The following SLC22A23 variants were observed in gnomAD, a reference collection of about 807,000 sequenced individuals.
The protein encoded by SLC22A23 is ion transporter protein.
Under a neutral mutation model 61.0 loss-of-function variants are expected in SLC22A23, and 26 were observed. That is an observed-to-expected ratio of 0.43 (90% CI 0.31 to 0.59). The LOEUF is 0.59. Among genes scored for constraint, SLC22A23 ranks in the 20% least tolerant of loss-of-function variants. SLC22A23 has a pLI of 0.11. For synonymous variants in SLC22A23, 430 were observed against 413.9 expected, an observed-to-expected ratio of 1.04 and a Z score of -0.47; for missense variants, 796 against 934.7, an observed-to-expected ratio of 0.85 and a Z score of 1.94.
At chr6:3,375,191 GACAA>G (rs1766483380) in intron 3 of SLC22A23, among the ~76,000 whole-genome samples, 1 of 152,110 alleles carries the variant, frequency 6.6e-6, no homozygotes, top group Admixed American at 6.5e-5. Context: ...AGAAAAAAAT[GACAA>G]ACAAGCCTAT....
intron 5 of SLC22A23, among the ~76,000 whole-genome samples, chr6:3,296,186 A>G (rs2127350397): frequency 6.6e-6 from 1 of 152,352 alleles, no homozygotes; most frequent in African/African-American, 2.4e-5. Context: ...AATCTGGGAA[A>G]GCCATCTGGA....
At chr6:3,275,837 C>A (rs945197196) in intron 9 of SLC22A23, among the ~76,000 whole-genome samples, 3 of 152,258 alleles carry the variant, frequency 2.0e-5, no homozygotes, top group African/African-American at 4.8e-5. Flanking sequence ...CCGCCTTGGC[C>A]TCCCAAAGTG....
intron 3 of SLC22A23, among the ~76,000 whole-genome samples, chr6:3,400,329 C>G (rs1406410199): frequency 1.3e-5 from 2 of 152,240 alleles, no homozygotes; most frequent in African/African-American, 4.8e-5. Context: ...CAGACAGCCA[C>G]AGTCCAAAGT....
chr6:3,342,419 G>A lies in SLC22A23; in HGVS notation c.914-18417C>T, dbSNP rs1245386437. Among the ~76,000 whole-genome samples the A allele has an allele frequency of 6.6e-6, 1 of 152,188 alleles. No homozygotes were observed. The highest frequency in any genetic ancestry group is 1.5e-5 in the Non-Finnish European group (1 of 68,032). ...CAGCCCCAGAAACTATGGAAGTGAG[G>A]CCACTAGGGTTCACGGCTCACCTCC... On this transcript the variant is annotated intron_variant, in intron 3 of 9. Coordinates refer to ENST00000406686, the MANE Select transcript of SLC22A23 (RefSeq NM_015482.2). This position sits in a 1 kb window ranked among gnomAD's most constrained non-coding sequence, Gnocchi z 4.0.
chr6:3,362,233 G>A (rs937540814), intron 3 of SLC22A23, among the ~76,000 whole-genome samples: 5 of 151,028 alleles, frequency 3.3e-5, no homozygotes, highest in Non-Finnish European at 7.4e-5. Context: ...GTGAAACCCC[G>A]TCTCTACTAA....
In SLC22A23 at chr6:3,456,482, G is replaced by A. The variant is rs1772416986; in HGVS notation, c.78C>T (p.Ser26=). The change falls in exon 1 of 10, where the codon TCC becomes TCT. Residue 26 remains serine (S), a synonymous_variant. Coordinates refer to ENST00000406686, the MANE Select transcript of SLC22A23 (RefSeq NM_015482.2). This position sits in a 1 kb window ranked among gnomAD's most constrained non-coding sequence, Gnocchi z 7.1. Reference sequence around the variant, plus strand: ...AGGCCGCCGCGTCCCCGGGCGGCAGGGAGCCGTTCTCCTCGGCCGGGGCCG... The same window carrying A: ...AGGCCGCCGCGTCCCCGGGCGGCAGAGAGCCGTTCTCCTCGGCCGGGGCCG... The part of the protein sequence containing the change: ...RQPAPAEENG[S]LPPGDAAASA... 2 of 1,164,568 alleles carry A rather than the reference G, an allele frequency of 1.7e-6. No homozygotes were observed. Among genetic ancestry groups the A allele is most frequent in the East Asian group, 3.9e-5 (1 of 25,338 alleles). 72.1% of individuals were successfully genotyped at this position (1,164,568 alleles called of 1,614,324 possible). A position where few individuals can be genotyped will look rare whatever the true frequency, so the allele number is the denominator to read the frequency against.
chr6:3,450,667 T>C (rs1201086112), intron 1 of SLC22A23, among the ~76,000 whole-genome samples: 7 of 152,234 alleles, frequency 4.6e-5, no homozygotes, highest in African/African-American at 1.7e-4. Flanking sequence ...ATATCATGCA[T>C]TTAAAATGTT....
At chr6:3,449,686 T>G (rs1415622262) in intron 1 of SLC22A23, among the ~76,000 whole-genome samples, 3 of 152,034 alleles carry the variant, frequency 2.0e-5, no homozygotes, top group South Asian at 2.1e-4. Flanking sequence ...TCAGGGAGGG[T>G]GTAGGGAACA....
rs182399004 is a variant in SLC22A23, at chr6:3,358,833, G to A, written c.914-34831C>T. Among the ~76,000 whole-genome samples the A allele has an allele frequency of 2.5e-3, 377 of 152,320 alleles. 1 individual carries two copies. The highest frequency in any genetic ancestry group is 8.4e-3 in the African/African-American group (350 of 41,568). On this transcript the variant is annotated intron_variant, in intron 3 of 9. Transcript: ENST00000406686. ...CCGGAAGGAGTCACAGCTCCAGTGA[G>A]GAAGAAGTGAGAAGGGATCTGCCAT...
intron 1 of SLC22A23, among the ~76,000 whole-genome samples, chr6:3,452,548 G>A (rs1340267712): frequency 7.0e-6 from 1 of 143,346 alleles, no homozygotes; most frequent in Non-Finnish European, 1.5e-5. Context: ...TCAGAGAGCT[G>A]TGATATCGTA....
At chr6:3,296,123 A>C (rs1761065435) in intron 5 of SLC22A23, among the ~76,000 whole-genome samples, 1 of 152,190 alleles carries the variant, frequency 6.6e-6, no homozygotes, top group African/African-American at 2.4e-5. Flanking sequence ...GCCACAAACA[A>C]ATTGTACTGT....
intron 1 of SLC22A23, among the ~76,000 whole-genome samples, chr6:3,426,603 T>C (rs1428684583): frequency 6.6e-6 from 1 of 152,224 alleles, no homozygotes; most frequent in East Asian, 1.9e-4. Flanking sequence ...GTAAACCAGT[T>C]TTTCTCCTGT....
At chr6:3,348,518 A>G (rs979232681) in intron 3 of SLC22A23, among the ~76,000 whole-genome samples, 3 of 152,144 alleles carry the variant, frequency 2.0e-5, no homozygotes, top group Non-Finnish European at 2.9e-5. Flanking sequence ...CACCTAAGTG[A>G]GTGCACACTA....
At chr6:3,404,010 C>T (rs558620653) in intron 3 of SLC22A23, among the ~76,000 whole-genome samples, 1 of 152,294 alleles carries the variant, frequency 6.6e-6, no homozygotes, top group South Asian at 2.1e-4. Context: ...TTCAGTTCCC[C>T]TTTTAGAGTA....
chr6:3,329,358 A>G lies in SLC22A23; in HGVS notation c.914-5356T>C, dbSNP rs1763455614. Among the ~76,000 whole-genome samples the G allele has an allele frequency of 6.6e-6, 1 of 152,240 alleles. No individual in the cohort carries two copies. Among genetic ancestry groups the G allele is most frequent in the African/African-American group, 2.4e-5 (1 of 41,456 alleles). On this transcript the variant is annotated intron_variant, in intron 3 of 9. Transcript: ENST00000406686. The surrounding 1 kb of genome is among the most constrained non-coding windows in gnomAD (Gnocchi z 4.8). ...AAGAAACTCTTGAATGCTTATGACC[A>G]TAGAGAGAATATACATTTTCTTGGG...
At chr6:3,380,933 CA>C (rs1489214194) in intron 3 of SLC22A23, among the ~76,000 whole-genome samples, 3 of 152,160 alleles carry the variant, frequency 2.0e-5, no homozygotes, top group Non-Finnish European at 4.4e-5. Flanking sequence ...TGCTCCAGCC[CA>C]GAAGTGACAG....
intron 1 of SLC22A23, among the ~76,000 whole-genome samples, chr6:3,451,244 C>A (rs967681187): frequency 2.6e-5 from 4 of 152,242 alleles, no homozygotes; most frequent in Admixed American, 6.5e-5. Flanking sequence ...GTCGCCCGGA[C>A]TGGAGTGCAG....
chr6:3,431,140 G>T (rs1770839114), intron 1 of SLC22A23, among the ~76,000 whole-genome samples: 1 of 152,128 alleles, frequency 6.6e-6, no homozygotes, highest in African/African-American at 2.4e-5. Context: ...TGTGGGGCAG[G>T]CTCAAGGGAG....
intron 1 of SLC22A23, among the ~76,000 whole-genome samples, chr6:3,436,875 T>C (rs1213205427): frequency 1.3e-5 from 2 of 152,230 alleles, no homozygotes; most frequent in African/African-American, 2.4e-5. Context: ...GTTTGCTATA[T>C]AGATTCAAAC....
Sources: allele counts gnomAD v4.1 joint callset (sites outside exome capture counted in the v4.1 genomes callset), GRCh38; gene constraint gnomAD v4.1.1; non-coding constraint Gnocchi (gnomAD v3.1); transcripts MANE v1.5; gene names NCBI Gene and HGNC (gene_info 2026-07-23, HGNC 2026-07-21).